CACNA1H: variants seen among roughly 807,000 people sequenced by gnomAD.
CACNA1H encodes the protein calcium voltage-gated channel subunit alpha1 H.
A neutral mutation model predicts 192.5 loss-of-function variants in CACNA1H; 149 were observed. That is an observed-to-expected ratio of 0.77 (90% CI 0.68 to 0.89). The LOEUF (loss-of-function observed/expected upper bound fraction) is 0.89. Ranked by LOEUF, CACNA1H falls within the 40% of genes least tolerant of loss-of-function variation. The pLI, the probability that CACNA1H is intolerant of heterozygous loss-of-function variation, is 0.00. For missense variants in CACNA1H, 4,257 were observed against 3,423.5 expected (o/e 1.24, Z -6.08); for synonymous variants, 2,202 against 1,475.2 (o/e 1.49, Z -11.29).
chr16:1,204,233 C>T lies in CACNA1H; in HGVS notation c.2226C>T (p.Pro742=), dbSNP rs1287214503. The T allele has an allele frequency of 6.2e-7, 1 of 1,611,140 alleles. No individual in the cohort carries two copies. The highest frequency in any genetic ancestry group is 1.1e-5 in the South Asian group (1 of 90,848). ...TCCGGCACGGTGACCGCTGGGACCC[C>T]ACGCGACCACCCCGTGCGACGGACA... is the stretch of plus-strand genomic sequence containing the variant. ...QDVRHGDRWD[P]TRPPRATDTP... Residue 742 remains proline (P), a synonymous_variant, in exon 10 of 35, where the codon CCC becomes CCT. Transcript: ENST00000348261.
chr16:1,178,667 C>T (rs1475075325), intron 2 of CACNA1H, among the ~76,000 whole-genome samples: 2 of 152,210 alleles, frequency 1.3e-5, no homozygotes, highest in Admixed American at 1.3e-4. Flanking sequence ...CATCCAGCCC[C>T]AAAGGGGCCA....
At chr16:1,154,142 G>T in intron 2 of CACNA1H, 106 bp downstream of exon 2, 1 of 926,568 alleles carries the variant, frequency 1.1e-6, no homozygotes, top group Admixed American at 4.5e-5. Context: ...CCCTGTTGGT[G>T]GGACCTGGCG....
chr16:1,173,090 A>G (rs1964527632), intron 2 of CACNA1H, among the ~76,000 whole-genome samples: 1 of 151,978 alleles, frequency 6.6e-6, no homozygotes, highest in Non-Finnish European at 1.5e-5. Flanking sequence ...GGGAAGCCCA[A>G]GTGTCCTTGT....
chr16:1,217,900 G>A lies in CACNA1H; in HGVS notation c.5324-19G>A, dbSNP rs762656210. 1.3e-5 allele frequency: 20 copies of A among 1,586,084 alleles called. No homozygotes were observed. Among genetic ancestry groups the A allele is most frequent in the East Asian group, 6.9e-5 (3 of 43,188 alleles). ...CCGGAGCGGGCTCGGCTGACCGGGC[G>A]GGGTCTCCCTCCCCGCAGAGTGCAG... is the stretch of plus-strand genomic sequence containing the variant. On this transcript the variant is annotated intron_variant, in intron 31 of 34. Coordinates refer to ENST00000348261, the MANE Select transcript of CACNA1H (RefSeq NM_021098.3).
rs755595840 is a variant in CACNA1H at position 1,210,446 on chromosome 16, T to G, written c.3922T>G (p.Cys1308Gly). The change falls in exon 19 of 35, where the codon TGC becomes GGC. Residue 1308 changes from cysteine to glycine, a missense_variant. By Grantham distance (159) the Cys-to-Gly change is radical. Coordinates refer to ENST00000348261, the MANE Select transcript of CACNA1H (RefSeq NM_021098.3). ...HVVLVFIFLN[C>G]VTIALERPDI... ...GGTCCTCGTCTTCATCTTCCTCAACTGCGTCACCATCGCCCTGGAGAGGCC... is the reference window on the plus strand; with the variant it reads ...GGTCCTCGTCTTCATCTTCCTCAACGGCGTCACCATCGCCCTGGAGAGGCC... 6 of 1,604,798 alleles carry G rather than the reference T, an allele frequency of 3.7e-6. No individual in the cohort carries two copies. In the South Asian group the frequency reaches 6.6e-5, roughly 18 times the overall value.
intron 5 of CACNA1H, 54 bp downstream of exon 5, chr16:1,196,077 G>T: frequency 7.2e-7 from 1 of 1,397,156 alleles, no homozygotes; most frequent in Non-Finnish European, 1.0e-6. Flanking sequence ...GTGTCCGCCA[G>T]CCCTGCAGAG....
intron 5 of CACNA1H, 113 bp from the exon 6 acceptor site, chr16:1,198,502 G>A (rs1329121180): frequency 5.6e-5 from 65 of 1,163,490 alleles, no homozygotes; most frequent in Non-Finnish European, 2.1e-5. Flanking sequence ...TGCAGTGGGC[G>A]TGGACACCCA....
intron 2 of CACNA1H, among the ~76,000 whole-genome samples, chr16:1,155,909 C>G (rs960187620): frequency 1.3e-5 from 2 of 152,114 alleles, no homozygotes; most frequent in Non-Finnish European, 2.9e-5. Context: ...TCCTGAGGAG[C>G]TGTCCTTTTG....
rs1005454 is a variant in CACNA1H, at chr16:1,196,270, A to G, written c.643+247A>G. Among the ~76,000 whole-genome samples, 65,062 of 152,244 alleles carry G rather than the reference A, an allele frequency of 0.43. 14,570 individuals carry two copies. Among genetic ancestry groups the G allele is most frequent in the African/African-American group, 0.5 (20,753 of 41,546 alleles). On this transcript the variant is annotated intron_variant, in intron 5 of 34. Coordinates refer to ENST00000348261, the MANE Select transcript of CACNA1H (RefSeq NM_021098.3). ...TTCACAGGGTACCTGGCTCCCACAC[A>G]GCCGAGTGACAGGGGCCACTCCGAA...
At position 1,207,024 on chromosome 16, in the gene CACNA1H, G is replaced by C. The variant is rs1370838727; in HGVS notation, c.2813G>C (p.Gly938Ala). 3 of 1,595,572 alleles carry C rather than the reference G, an allele frequency of 1.9e-6. No individual in the cohort carries two copies. Among genetic ancestry groups the C allele is most frequent in the Non-Finnish European group, 2.6e-6 (3 of 1,171,142 alleles). ...IFSILGMHLFGCKFSLKTDTG... is the reference protein window; with the variant it reads ...IFSILGMHLFACKFSLKTDTG... ...AGCATCCTGGGCATGCACCTTTTCG[G>C]CTGCAAGTTCAGCCTGAAGACAGAC... The change falls in exon 13 of 35, where the codon GGC (glycine) becomes GCC (alanine). Residue 938 changes from glycine to alanine, a missense_variant. Transcript: ENST00000348261.
chr16:1,199,566 C>A (rs1033211580), intron 6 of CACNA1H, among the ~76,000 whole-genome samples: 1 of 151,154 alleles, frequency 6.6e-6, no homozygotes, highest in East Asian at 2.0e-4. Context: ...ACACTTCATC[C>A]CCTCCCCACA....
intron 2 of CACNA1H, among the ~76,000 whole-genome samples, chr16:1,160,359 C>T (rs1963033367): frequency 6.6e-6 from 1 of 152,184 alleles, no homozygotes; most frequent in African/African-American, 2.4e-5. Flanking sequence ...CGACCACTCA[C>T]CCTGGGCAGA....
intron 2 of CACNA1H, among the ~76,000 whole-genome samples, chr16:1,154,241 C>T (rs1961986506): frequency 6.6e-6 from 1 of 151,966 alleles, no homozygotes; most frequent in African/African-American, 2.4e-5. Context: ...CACCGGGCGC[C>T]TCCGGACTCC....
At chr16:1,158,481 A>T (rs998805027) in intron 2 of CACNA1H, among the ~76,000 whole-genome samples, 3 of 152,094 alleles carry the variant, frequency 2.0e-5, no homozygotes, top group African/African-American at 7.2e-5. Flanking sequence ...CGCCTGTCGT[A>T]GTCATTCCCT....
chr16:1,218,326 G>T lies in CACNA1H; in HGVS notation c.5562G>T (p.Val1854=). Residue 1854 remains valine, a synonymous_variant, in exon 33 of 35, where the codon GTG becomes GTT. Coordinates refer to ENST00000348261, the MANE Select transcript of CACNA1H (RefSeq NM_021098.3). Reference sequence around the variant, plus strand: ...TGGCCCAGTTCGTGCTGGTGAACGTGGTGGTGGCCGTGCTCATGAAGCACC... The same window carrying T: ...TGGCCCAGTTCGTGCTGGTGAACGTTGTGGTGGCCGTGCTCATGAAGCACC... ...VLVAQFVLVN[V]VVAVLMKHLE... The T allele has an allele frequency of 6.4e-7, 1 of 1,559,158 alleles. No homozygotes were observed. The highest frequency in any genetic ancestry group is 1.4e-5 in the African/African-American group (1 of 73,482).
chr16:1,205,685 G>A (rs1968610671), intron 11 of CACNA1H, among the ~76,000 whole-genome samples: 1 of 152,198 alleles, frequency 6.6e-6, no homozygotes, highest in Non-Finnish European at 1.5e-5. Flanking sequence ...AATTTGAGGG[G>A]AAACGCCCCC....
Position 1,198,775 on chromosome 16 carries a change from G to A in CACNA1H, c.803+1G>A. ...GCTTCCTGGACAGTGCCTTTGTCAG[G>A]TGCCCAGGCCCCACCCCCGTGAGGC... On this transcript the variant is annotated splice_donor_variant, in intron 6 of 34. Transcript: ENST00000348261. LOFTEE classifies it high-confidence loss of function. 6.2e-7 allele frequency: 1 copy of A among 1,609,284 alleles called. No homozygotes were observed. Among genetic ancestry groups the A allele is most frequent in the Non-Finnish European group, 8.5e-7 (1 of 1,178,580 alleles).
chr16:1,209,429 G>A lies in CACNA1H; in HGVS notation c.3744+17G>A, dbSNP rs187187164. The A allele has an allele frequency of 1.2e-4, 193 of 1,592,996 alleles. No individual in the cohort carries two copies. In the African/African-American group the frequency reaches 2.3e-3, roughly 19 times the overall value. The stretch of plus-strand genomic sequence containing the variant: ...TCGGAGGACGTGAGTGCGTGGCCCT[G>A]GGCCCACCGCCGACTCGCCTTCGTC... On this transcript the variant is annotated intron_variant, in intron 17 of 34. Transcript: ENST00000348261.
At position 1,220,715 on chromosome 16, in the gene CACNA1H, G is replaced by C. The variant is rs1176114621; in HGVS notation, c.6783G>C (p.Leu2261=). ...WGQASCRAEH[L]TVPSFAFEPL... is the part of the protein sequence containing the mutation. ...AGGCCTCCTGCCGGGCTGAGCACCTGACCGTCCCCAGCTTTGCCTTTGAGC... is the reference window on the plus strand; with the variant it reads ...AGGCCTCCTGCCGGGCTGAGCACCTCACCGTCCCCAGCTTTGCCTTTGAGC... The change falls in exon 35 of 35, where the codon CTG becomes CTC. Residue 2261 remains leucine (L), a synonymous_variant. Transcript: ENST00000348261. 2.5e-6 allele frequency: 4 copies of C among 1,612,080 alleles called. No individual in the cohort carries two copies. Among genetic ancestry groups the C allele is most frequent in the South Asian group, 1.1e-5 (1 of 91,056 alleles).
Sources: allele counts gnomAD v4.1 joint callset (sites outside exome capture counted in the v4.1 genomes callset), GRCh38; gene constraint gnomAD v4.1.1; transcripts MANE v1.5; gene names NCBI Gene and HGNC (gene_info 2026-07-23, HGNC 2026-07-21).